CDH20: variants seen among roughly 807,000 people sequenced by gnomAD.
The protein encoded by CDH20 is cadherin-20.
CDH20 carries 29 observed loss-of-function variants against 74.2 expected under a neutral mutation model. The observed-to-expected ratio is 0.39, with a 90% CI of 0.29 to 0.53. CDH20 has a LOEUF of 0.53. CDH20 is among the 20% of genes least tolerant of loss of function. CDH20 has a pLI of 0.69. For missense variants in CDH20, 988 were observed against 1,048.3 expected (o/e 0.94, Z 0.79); for synonymous variants, 469 against 405.4 (o/e 1.16, Z -1.88).
At chr18:61,392,939 G>T (rs192696445) in intron 1 of CDH20, among the ~76,000 whole-genome samples, 9 of 152,212 alleles carry the variant, frequency 5.9e-5, no homozygotes, top group Admixed American at 5.9e-4. Flanking sequence ...AAACAAGAGG[G>T]CAGTCTCATC....
chr18:61,410,928 C>T (rs895311017), intron 1 of CDH20, among the ~76,000 whole-genome samples: 3 of 152,130 alleles, frequency 2.0e-5, no homozygotes, highest in Non-Finnish European at 4.4e-5. Flanking sequence ...GGGCTGAGCG[C>T]GGTGGCTCAC....
chr18:61,447,607 G>T (rs973460794), intron 1 of CDH20, among the ~76,000 whole-genome samples: 3 of 152,196 alleles, frequency 2.0e-5, no homozygotes, highest in Non-Finnish European at 4.4e-5. Context: ...AATTGCCTTT[G>T]AATTAAAGCT....
chr18:61,382,180 T>G lies in CDH20; in HGVS notation c.-153+48353T>G, dbSNP rs139013147. 2.0e-3 allele frequency among the ~76,000 whole-genome samples: 301 copies of G among 152,334 alleles called. 4 individuals are homozygous for G. Among genetic ancestry groups the G allele is most frequent in the African/African-American group, 7.1e-3 (294 of 41,580 alleles). ...TACAAACATCATGGACTGTTTTAAATCACCCTTCAAAAAGTTTCTTATAGT... is the reference window on the plus strand; with the variant it reads ...TACAAACATCATGGACTGTTTTAAAGCACCCTTCAAAAAGTTTCTTATAGT... On this transcript the variant is annotated intron_variant, in intron 1 of 11. Transcript: ENST00000262717.
At chr18:61,352,092 T>C (rs1046388220) in intron 1 of CDH20, among the ~76,000 whole-genome samples, 20 of 152,222 alleles carry the variant, frequency 1.3e-4, no homozygotes, top group Admixed American at 1.2e-3. Context: ...ATTTAAATGA[T>C]AATCACTGTG....
chr18:61,491,905 G>A (rs1363386502), intron 2 of CDH20, among the ~76,000 whole-genome samples: 2 of 151,872 alleles, frequency 1.3e-5, no homozygotes, highest in East Asian at 1.9e-4. Flanking sequence ...GCGTTTGTGG[G>A]TCCTCTCCTT....
chr18:61,553,395 G>C (rs536299535), intron 11 of CDH20, among the ~76,000 whole-genome samples: 1 of 152,132 alleles, frequency 6.6e-6, no homozygotes, highest in Non-Finnish European at 1.5e-5. Context: ...CACATTCTAG[G>C]GGGGAAAAAT....
chr18:61,494,141 G>A (rs1911053453), intron 2 of CDH20, among the ~76,000 whole-genome samples: 2 of 152,180 alleles, frequency 1.3e-5, no homozygotes, highest in South Asian at 2.1e-4. Flanking sequence ...TTAGACCGAA[G>A]GTAGCAGGGA....
chr18:61,378,614 C>T (rs1206412672), intron 1 of CDH20, among the ~76,000 whole-genome samples: 1 of 152,194 alleles, frequency 6.6e-6, no homozygotes, highest in Non-Finnish European at 1.5e-5. Flanking sequence ...CTCATGAAGA[C>T]ATCCAGAATA....
At chr18:61,464,696 T>C (rs9961965) in intron 1 of CDH20, among the ~76,000 whole-genome samples, 67,428 of 152,098 alleles carry the variant, frequency 0.44, 15,137 homozygotes, top group Middle Eastern at 0.64. Context: ...ATGTGGGCTG[T>C]GACTCAAAGC....
At chr18:61,427,746 G>A (rs111360996) in intron 1 of CDH20, among the ~76,000 whole-genome samples, 1 of 152,210 alleles carries the variant, frequency 6.6e-6, no homozygotes, top group Non-Finnish European at 1.5e-5. Context: ...TGATCACACT[G>A]TATGTAGCGC....
chr18:61,376,917 G>A lies in CDH20; in HGVS notation c.-153+43090G>A, dbSNP rs140088854. 5.4e-3 allele frequency among the ~76,000 whole-genome samples: 816 copies of A among 152,252 alleles called. 12 individuals carry two copies. The highest frequency in any genetic ancestry group is 0.018 in the African/African-American group (765 of 41,560). On this transcript the variant is annotated intron_variant, in intron 1 of 11. Coordinates refer to ENST00000262717, the MANE Select transcript of CDH20 (RefSeq NM_031891.4). ...ATCAGAGGAGACAATGAGGTAAACT[G>A]AAGGATTCTTCTGCTGTTTCATTAA...
At chr18:61,519,672 A>G (rs1415438170) in intron 6 of CDH20, among the ~76,000 whole-genome samples, 1 of 151,320 alleles carries the variant, frequency 6.6e-6, no homozygotes, top group Non-Finnish European at 1.5e-5. Context: ...AAAACATACC[A>G]AATTGTAAAG....
At chr18:61,361,313 C>T (rs1237183967) in intron 1 of CDH20, among the ~76,000 whole-genome samples, 1 of 152,192 alleles carries the variant, frequency 6.6e-6, no homozygotes, top group Non-Finnish European at 1.5e-5. Context: ...CTGAAAGAAA[C>T]TTTAACATGA....
intron 1 of CDH20, among the ~76,000 whole-genome samples, chr18:61,466,510 G>A (rs1005428164): frequency 3.3e-5 from 5 of 152,112 alleles, no homozygotes; most frequent in African/African-American, 4.8e-5. Context: ...GTCTTGTTAC[G>A]ACTTTACCTT....
chr18:61,435,627 C>G (rs73447327), intron 1 of CDH20, among the ~76,000 whole-genome samples: 1,664 of 151,826 alleles, frequency 0.011, 31 homozygotes, highest in African/African-American at 0.038. Flanking sequence ...TCAGAAGAAG[C>G]AGATTCATAG....
At chr18:61,516,287 GT>G (rs1912002067) in intron 6 of CDH20, among the ~76,000 whole-genome samples, 1 of 152,140 alleles carries the variant, frequency 6.6e-6, no homozygotes, top group Non-Finnish European at 1.5e-5. Flanking sequence ...ATTTTTTTAG[GT>G]TTTTGCTACG....
rs1287953036 is a variant in CDH20, at chr18:61,490,813, A to G, written c.246+14A>G. 1 of 1,613,338 alleles carries G rather than the reference A, an allele frequency of 6.2e-7. No homozygotes were observed. The highest frequency in any genetic ancestry group is 8.5e-7 in the Non-Finnish European group (1 of 1,179,332). On this transcript the variant is annotated intron_variant, in intron 2 of 11. Coordinates refer to ENST00000262717, the MANE Select transcript of CDH20 (RefSeq NM_031891.4). ...TATGTCGGCAAGGTAAGAAATGCCA[A>G]GTAGAAATGACCCGGGTATTGGATA...
intron 1 of CDH20, among the ~76,000 whole-genome samples, chr18:61,404,328 CAGAT>C (rs1348181839): frequency 3.3e-5 from 5 of 152,228 alleles, no homozygotes; most frequent in African/African-American, 1.2e-4. Flanking sequence ...TACTTAAAAA[CAGAT>C]AGGCGTATTT....
At chr18:61,506,666 A>AT (rs1172570195) in intron 5 of CDH20, among the ~76,000 whole-genome samples, 2 of 152,362 alleles carry the variant, frequency 1.3e-5, no homozygotes, top group Admixed American at 6.5e-5. Context: ...TGAGCTCAGG[A>AT]TATCATGTCC....
Sources: gnomAD v4.1 joint callset for allele counts (sites outside exome capture counted in the v4.1 genomes callset) on GRCh38, gnomAD v4.1.1 for gene constraint, MANE v1.5 for transcripts, NCBI Gene and HGNC (gene_info 2026-07-23, HGNC 2026-07-21) for gene names.